Variants in ALDH1L2 observed in about 807,000 individuals in gnomAD.
The protein encoded by ALDH1L2 is aldehyde dehydrogenase 1 family member L2.
A neutral mutation model predicts 111.0 loss-of-function variants in ALDH1L2; 91 were observed. The ratio of observed to expected loss-of-function variants is 0.82; its 90% CI spans 0.69 to 0.98. The LOEUF is 0.98. Ranked by LOEUF, ALDH1L2 falls within the 50% of genes least tolerant of loss-of-function variation. The pLI, the probability that ALDH1L2 is intolerant of heterozygous loss-of-function variation, is 0.00. For synonymous variants in ALDH1L2, 374 were observed against 392.6 expected (o/e 0.95, Z 0.56); for missense variants, 995 against 1,126.8 (o/e 0.88, Z 1.67).
chr12:105,044,961 T>C lies in ALDH1L2; in HGVS notation c.1863+1749A>G, dbSNP rs192222629. On this transcript the variant is annotated intron_variant, in intron 15 of 22. Coordinates refer to ENST00000258494, the MANE Select transcript of ALDH1L2 (RefSeq NM_001034173.4). ...TAAAAATTTTATTGTGGTAAGAACA[T>C]TTAACGTGAGCTCTACTCTCTTAAC... is the stretch of plus-strand genomic sequence containing the variant. Among the ~76,000 whole-genome samples the C allele has an allele frequency of 6.1e-4, 93 of 152,254 alleles. 1 individual carries two copies. The highest frequency in any genetic ancestry group is 2.1e-3 in the African/African-American group (89 of 41,548).
intron 12 of ALDH1L2, 55 bp from the exon 13 acceptor site, chr12:105,050,113 C>T (rs1220328176): frequency 6.5e-5 from 96 of 1,466,940 alleles, no homozygotes; most frequent in Non-Finnish European, 8.6e-5. Context: ...GCTCCTGTCA[C>T]ATATAATGCA....
intron 1 of ALDH1L2, among the ~76,000 whole-genome samples, chr12:105,078,311 T>G (rs911903397): frequency 3.9e-5 from 6 of 151,996 alleles, no homozygotes; most frequent in Non-Finnish European, 8.8e-5. Flanking sequence ...ACAAAAAAAT[T>G]AGCTGGGCAT....
rs752667882 is a variant in ALDH1L2, at chr12:105,062,999, T to G, written c.810A>C (p.Thr270=). Residue 270 remains threonine, a synonymous_variant, in exon 7 of 23, where the codon ACA becomes ACC. Transcript: ENST00000258494. ...NGQMVTFYGS[T]LLNSSVPPGE... Reference sequence around the variant, plus strand: ...CAGGAGGCACAGAGCTATTCAGTAATGTCGAGCCATAGAAAGTGACCATCT... The same window carrying G: ...CAGGAGGCACAGAGCTATTCAGTAAGGTCGAGCCATAGAAAGTGACCATCT... The G allele has an allele frequency of 1.9e-6, 3 of 1,613,352 alleles. No homozygotes were observed. In the South Asian group the frequency reaches 3.3e-5, roughly 18 times the overall value.
In ALDH1L2 at chr12:105,034,309, C is replaced by T; in HGVS notation, c.2235G>A (p.Val745=). The T allele has an allele frequency of 6.2e-7, 1 of 1,613,776 alleles. No homozygotes were observed. Among genetic ancestry groups the T allele is most frequent in the Admixed American group, 1.7e-5 (1 of 59,970 alleles). ...TGTGAAGGTGCCTCACCACTCTTGT[C>T]ACAAATTCGTCGTGGATGGATTCTT... ...FVEESIHDEF[V]TRVVEEIKKM... Residue 745 remains valine, a synonymous_variant, in exon 19 of 23, where the codon GTG becomes GTA. Coordinates refer to ENST00000258494, the MANE Select transcript of ALDH1L2 (RefSeq NM_001034173.4).
intron 1 of ALDH1L2, among the ~76,000 whole-genome samples, chr12:105,077,556 G>A (rs1318607936): frequency 6.6e-6 from 1 of 151,850 alleles, no homozygotes; most frequent in Non-Finnish European, 1.5e-5. Flanking sequence ...TAGGATTACA[G>A]GCGTGAGCCA....
At chr12:105,076,261 C>G (rs1878048469) in intron 1 of ALDH1L2, among the ~76,000 whole-genome samples, 1 of 152,182 alleles carries the variant, frequency 6.6e-6, no homozygotes, top group Non-Finnish European at 1.5e-5. Flanking sequence ...AATCTCTGCT[C>G]TGTGGAGAGT....
intron 2 of ALDH1L2, among the ~76,000 whole-genome samples, chr12:105,072,022 G>C (rs762421347): frequency 1.3e-5 from 2 of 151,340 alleles, no homozygotes; most frequent in Non-Finnish European, 2.9e-5. Context: ...GGTGTTCCAG[G>C]TTGCAGTAAG....
At chr12:105,025,872 T>A (rs755961608) in intron 22 of ALDH1L2, among the ~76,000 whole-genome samples, 1 of 152,224 alleles carries the variant, frequency 6.6e-6, no homozygotes, top group African/African-American at 2.4e-5. Context: ...CCCATTGTCC[T>A]CTTCTGTATA....
At chr12:105,039,598 G>T in intron 17 of ALDH1L2, 115 bp downstream of exon 17, 1 of 769,176 alleles carries the variant, frequency 1.3e-6, no homozygotes, top group Non-Finnish European at 2.2e-6. Context: ...GTGATAAGTA[G>T]ATTTCCCTTC....
intron 4 of ALDH1L2, among the ~76,000 whole-genome samples, chr12:105,067,198 A>G (rs1382600318): frequency 6.9e-6 from 1 of 144,706 alleles, no homozygotes; most frequent in Admixed American, 7.0e-5. Context: ...CCTGGGCGAC[A>G]GAGCGAGACT....
chr12:105,042,956 A>C (rs896281747), intron 15 of ALDH1L2, among the ~76,000 whole-genome samples: 1 of 152,230 alleles, frequency 6.6e-6, no homozygotes, highest in Non-Finnish European at 1.5e-5. Context: ...GACTCTAAAA[A>C]TGGGGTGTGC....
At chr12:105,053,033 A>C in intron 10 of ALDH1L2, 102 bp from the exon 11 acceptor site, 1 of 1,385,044 alleles carries the variant, frequency 7.2e-7, no homozygotes, top group South Asian at 1.3e-5. Flanking sequence ...GGGAGAAGTC[A>C]ATGACATTCT....
In ALDH1L2 at chr12:105,052,016, T is replaced by C. The variant is rs1336099161; in HGVS notation, c.1535+74A>G. ...TGAGGTCAGGAATTTGAGACCAGCC[T>C]GGCCAACGTAGTGAACCCCTGTCTC... On this transcript the variant is annotated intron_variant, in intron 12 of 22. Coordinates refer to ENST00000258494, the MANE Select transcript of ALDH1L2 (RefSeq NM_001034173.4). The C allele has an allele frequency of 2.3e-6, 3 of 1,309,804 alleles. 1 individual carries two copies. The South Asian group carries it at 5.0e-5, about 22-fold the overall frequency. The allele number at this position is 1,309,804 out of a possible 1,614,324, so 81.1% of individuals were successfully genotyped here. A position where few individuals can be genotyped will look rare whatever the true frequency, so the allele number is the denominator to read the frequency against.
intron 9 of ALDH1L2, 121 bp downstream of exon 9, chr12:105,060,856 CATAG>C (rs1349541104): frequency 1.1e-5 from 5 of 462,728 alleles, no homozygotes; most frequent in East Asian, 8.5e-5. Context: ...AAAGATGAGT[CATAG>C]ATAGGTATGA....
At chr12:105,043,080 A>G (rs7301423) in intron 15 of ALDH1L2, among the ~76,000 whole-genome samples, 56,096 of 152,052 alleles carry the variant, frequency 0.37, 10,605 homozygotes, top group South Asian at 0.53. Flanking sequence ...ATGGCTGGAT[A>G]ACGCTGCTCT....
chr12:105,077,739 TAAAA>T (rs543463878), intron 1 of ALDH1L2, among the ~76,000 whole-genome samples: 2 of 115,478 alleles, frequency 1.7e-5, no homozygotes, highest in Admixed American at 9.1e-5. Flanking sequence ...CTCCAAGAAT[TAAAA>T]AAAAAAAAAA....
At chr12:105,046,510 T>G (rs1034027572) in intron 15 of ALDH1L2, among the ~76,000 whole-genome samples, 200 bp downstream of exon 15, 1 of 151,994 alleles carries the variant, frequency 6.6e-6, no homozygotes, top group East Asian at 1.9e-4. Flanking sequence ...TATGAAAATT[T>G]TAAATTGTGG....
At position 105,052,744 on chromosome 12, in the gene ALDH1L2, T is replaced by C; in HGVS notation, c.1407+68A>G. On this transcript the variant is annotated intron_variant, in intron 11 of 22. Transcript: ENST00000258494. ...TAAAAGGGCTTCTTAAGACTGCCTC[T>C]TTTACAATGGTGTATTAACTAAAAA... 3.1e-6 allele frequency: 5 copies of C among 1,592,284 alleles called. No homozygotes were observed. The Admixed American group carries it at 8.7e-5, about 28-fold the overall frequency.
chr12:105,062,414 T>C (rs1194353485), intron 7 of ALDH1L2, among the ~76,000 whole-genome samples: 1 of 152,182 alleles, frequency 6.6e-6, no homozygotes, highest in African/African-American at 2.4e-5. Flanking sequence ...GCACGCTTCA[T>C]TGGGAAGCTT....
Sources: allele counts gnomAD v4.1 joint callset (sites outside exome capture counted in the v4.1 genomes callset), GRCh38; gene constraint gnomAD v4.1.1; transcripts MANE v1.5; gene names NCBI Gene and HGNC (gene_info 2026-07-23, HGNC 2026-07-21).